Variants in MACROD2 observed in about 807,000 individuals in gnomAD.
The protein encoded by MACROD2 is mono-ADP ribosylhydrolase 2.
MACROD2 carries 36 observed loss-of-function variants against 70.4 expected under a neutral mutation model. The observed-to-expected ratio is 0.51, with a 90% CI of 0.39 to 0.68. MACROD2 has a LOEUF of 0.68. Ranked by LOEUF, MACROD2 falls within the 30% of genes least tolerant of loss-of-function variation. The probability of loss-of-function intolerance (pLI) is 0.00; values close to 1 mark genes in which losing one functional copy is unlikely to be tolerated. For synonymous variants in MACROD2, 172 were observed against 178.8 expected, an observed-to-expected ratio of 0.96 and a Z score of 0.30; for missense variants, 496 against 538.4, an observed-to-expected ratio of 0.92 and a Z score of 0.78.
intron 6 of MACROD2, among the ~76,000 whole-genome samples, chr20:15,346,110 T>A (rs1016508662): frequency 2.8e-4 from 29 of 102,736 alleles, no homozygotes; most frequent in East Asian, 1.4e-3. Context: ...GGTAAAAATT[T>A]TTTTTTTTTT....
At chr20:14,009,132 C>G (rs1387657289) in intron 2 of MACROD2, among the ~76,000 whole-genome samples, 1 of 152,138 alleles carries the variant, frequency 6.6e-6, no homozygotes, top group Non-Finnish European at 1.5e-5. Flanking sequence ...TTTAATTACA[C>G]TAGAGTTTCT....
chr20:14,793,290 C>T (rs1011950503), intron 5 of MACROD2, among the ~76,000 whole-genome samples: 1 of 151,930 alleles, frequency 6.6e-6, no homozygotes, highest in African/African-American at 2.4e-5. Context: ...GCAGAATAAA[C>T]AGTTCTTCTC....
intron 8 of MACROD2, among the ~76,000 whole-genome samples, chr20:15,835,273 T>G (rs2064101334): frequency 6.6e-6 from 1 of 152,012 alleles, no homozygotes; most frequent in Non-Finnish European, 1.5e-5. Flanking sequence ...CAGTAATTAC[T>G]TATTGAAATT....
chr20:14,548,072 T>A (rs1247905117), intron 4 of MACROD2, among the ~76,000 whole-genome samples: 1 of 152,190 alleles, frequency 6.6e-6, no homozygotes. Context: ...CACCTCTTGA[T>A]AAGAGGAGAG....
At chr20:15,110,698 C>T (rs1363904962) in intron 5 of MACROD2, among the ~76,000 whole-genome samples, 2 of 152,140 alleles carry the variant, frequency 1.3e-5, no homozygotes, top group Non-Finnish European at 2.9e-5. Flanking sequence ...AACATGTGGC[C>T]AGATTCTCCT....
At chr20:15,150,375 G>A (rs186026965) in intron 5 of MACROD2, among the ~76,000 whole-genome samples, 4 of 152,152 alleles carry the variant, frequency 2.6e-5, no homozygotes, top group Admixed American at 2.6e-4. Context: ...GTACAGGTTG[G>A]GCACCACAGG....
chr20:15,073,200 AAGT>A (rs2075632136), intron 5 of MACROD2, among the ~76,000 whole-genome samples: 1 of 152,108 alleles, frequency 6.6e-6, no homozygotes, highest in African/African-American at 2.4e-5. Flanking sequence ...CATGAAGGAG[AAGT>A]GATAATAAAG....
At chr20:15,105,589 A>G (rs1387146851) in intron 5 of MACROD2, among the ~76,000 whole-genome samples, 1 of 152,136 alleles carries the variant, frequency 6.6e-6, no homozygotes, top group Admixed American at 6.6e-5. Flanking sequence ...TAACAGTGTT[A>G]GAGGCAGAAA....
intron 5 of MACROD2, among the ~76,000 whole-genome samples, chr20:14,733,500 A>G (rs2071622184): frequency 6.6e-6 from 1 of 152,152 alleles, no homozygotes; most frequent in African/African-American, 2.4e-5. Flanking sequence ...TCAAACAAAA[A>G]CTTTGTGAGG....
At chr20:14,666,399 A>G (rs2070737050) in intron 4 of MACROD2, among the ~76,000 whole-genome samples, 1 of 152,116 alleles carries the variant, frequency 6.6e-6, no homozygotes, top group South Asian at 2.1e-4. Flanking sequence ...AGTTTCCAGA[A>G]AGTTGGGGAC....
intron 3 of MACROD2, among the ~76,000 whole-genome samples, chr20:14,190,728 T>TTTTTTTTTTC (rs765628902): frequency 7.0e-5 from 5 of 71,668 alleles, no homozygotes; most frequent in East Asian, 5.1e-4. Context: ...TTTTTTTTTT[T>TTTTTTTTTTC]CCAGAGTCTT....
At chr20:15,355,834 G>A (rs1038766711) in intron 6 of MACROD2, among the ~76,000 whole-genome samples, 2 of 152,178 alleles carry the variant, frequency 1.3e-5, no homozygotes, top group African/African-American at 4.8e-5. Context: ...GTCCCTTTCA[G>A]GAATTAGGAA....
intron 10 of MACROD2, among the ~76,000 whole-genome samples, chr20:15,903,661 G>A (rs2065099520): frequency 6.6e-6 from 1 of 152,216 alleles, no homozygotes; most frequent in African/African-American, 2.4e-5. Context: ...GAGAATCACT[G>A]CCTTGGGCAT....
chr20:14,714,296 A>G (rs2071371804), intron 5 of MACROD2, among the ~76,000 whole-genome samples: 1 of 152,122 alleles, frequency 6.6e-6, no homozygotes, highest in Admixed American at 6.5e-5. Flanking sequence ...GGCCACACCA[A>G]GAACCTACCA....
At chr20:14,746,685 C>T (rs1453125921) in intron 5 of MACROD2, among the ~76,000 whole-genome samples, 2 of 152,014 alleles carry the variant, frequency 1.3e-5, no homozygotes, top group African/African-American at 4.8e-5. Flanking sequence ...TGAAACTAGT[C>T]GAGGCCTTTT....
At chr20:15,092,334 TTAA>T (rs2075798651) in intron 5 of MACROD2, among the ~76,000 whole-genome samples, 2 of 150,514 alleles carry the variant, frequency 1.3e-5, no homozygotes, top group African/African-American at 4.9e-5. Flanking sequence ...TCAAATATAA[TTAA>T]TAATATGTTT....
chr20:14,967,609 C>T (rs1245965044), intron 5 of MACROD2, among the ~76,000 whole-genome samples: 1 of 152,090 alleles, frequency 6.6e-6, no homozygotes, highest in African/African-American at 2.4e-5. Flanking sequence ...AACAGAAACT[C>T]TACAAATTAG....
intron 8 of MACROD2, among the ~76,000 whole-genome samples, chr20:15,507,077 G>A (rs570539795): frequency 7.9e-5 from 12 of 152,278 alleles, no homozygotes; most frequent in African/African-American, 2.6e-4. Context: ...CAAATGTGTC[G>A]TTCAGGTGGA....
chr20:15,894,706 CT>C (rs2147227808), intron 10 of MACROD2, among the ~76,000 whole-genome samples: 1 of 152,332 alleles, frequency 6.6e-6, no homozygotes, highest in African/African-American at 2.4e-5. Context: ...GCCTGGCCTT[CT>C]GTCAGTGATG....
Sources: allele counts gnomAD v4.1 joint callset (sites outside exome capture counted in the v4.1 genomes callset), GRCh38; gene constraint gnomAD v4.1.1; transcripts MANE v1.5; gene names NCBI Gene and HGNC (gene_info 2026-07-23, HGNC 2026-07-21).